Variants in EPHA10 observed in about 807,000 individuals in gnomAD.
EPHA10 encodes the protein ephrin type-A receptor 10.
In EPHA10, 120 loss-of-function variants were observed where a neutral mutation model predicts 109.7. That is an observed-to-expected ratio of 1.09 (90% CI 0.94 to 1.27). The LOEUF is 1.27. Among genes scored for constraint, EPHA10 ranks in the 50% most tolerant of loss-of-function variants. The pLI, the probability that EPHA10 is intolerant of heterozygous loss-of-function variation, is 0.00. For synonymous variants in EPHA10, 640 were observed against 618.9 expected (o/e 1.03, Z -0.51); for missense variants, 1,396 against 1,411.1 (o/e 0.99, Z 0.17).
chr1:37,722,921 C>T (rs777127572), intron 10 of EPHA10, 120 bp downstream of exon 10: 16 of 1,490,596 alleles, frequency 1.1e-5, no homozygotes, highest in South Asian at 3.4e-5. Context: ...CTTCCAGACA[C>T]GAGCAGAGAC....
At chr1:37,731,869 G>A (rs995632919) in intron 6 of EPHA10, among the ~76,000 whole-genome samples, 9 of 152,308 alleles carry the variant, frequency 5.9e-5, no homozygotes, top group Non-Finnish European at 1.2e-4. Flanking sequence ...TCCTCCTTCC[G>A]GGGGATGATA....
In EPHA10 at chr1:37,719,524, G is replaced by T; in HGVS notation, c.2646C>A (p.Cys882Ter). The T allele has an allele frequency of 6.2e-7, 1 of 1,614,062 alleles. No homozygotes were observed. Among genetic ancestry groups the T allele is most frequent in the Non-Finnish European group, 8.5e-7 (1 of 1,180,032 alleles). ...PNLLHRLMLD[C>*]WQKDPGERPR... ...GCCGCTCACCTGGGTCCTTCTGCCA[G>T]CAGTCGAGCATTAGTCGGTGCAGAA... is the stretch of plus-strand genomic sequence containing the variant. Residue 882 changes from cysteine (C) to a stop codon, truncating the protein, a stop_gained, in exon 15 of 17, where the codon TGC becomes TGA. Coordinates refer to ENST00000373048, the MANE Select transcript of EPHA10 (RefSeq NM_001099439.2). LOFTEE classifies it high-confidence loss of function.
At chr1:37,742,503 G>A (rs1300149723) in intron 5 of EPHA10, among the ~76,000 whole-genome samples, 2 of 152,194 alleles carry the variant, frequency 1.3e-5, no homozygotes, top group African/African-American at 2.4e-5. Context: ...TTCTGCCTCT[G>A]AATGGTAAGG....
At chr1:37,721,162 G>A (rs1414656979) in intron 11 of EPHA10, among the ~76,000 whole-genome samples, 1 of 151,520 alleles carries the variant, frequency 6.6e-6, no homozygotes, top group East Asian at 1.9e-4. Flanking sequence ...GTTCACGCCT[G>A]TAATCCCAGC....
intron 3 of EPHA10, among the ~76,000 whole-genome samples, chr1:37,757,292 C>G (rs760447204): frequency 5.3e-5 from 8 of 152,198 alleles, no homozygotes; most frequent in Non-Finnish European, 7.3e-5. Flanking sequence ...TATTCCCCCA[C>G]TTATCCATCT....
At position 37,761,794 on chromosome 1, in the gene EPHA10, G is replaced by A. The variant is rs370728811; in HGVS notation, c.461C>T (p.Thr154Met). The change falls in exon 3 of 17, where the codon ACG (threonine) becomes ATG (methionine). Residue 154 changes from threonine to methionine, a missense_variant. By Grantham distance (81) the Thr-to-Met change is moderately conservative. Coordinates refer to ENST00000373048, the MANE Select transcript of EPHA10 (RefSeq NM_001099439.2). Reference sequence around the variant, plus strand: ...CGTGAAGCTCTCGTCCGCCGCGATCGTGTCGATTTTGCGGGGCCGGCTGCC... The same window carrying A: ...CGTGAAGCTCTCGTCCGCCGCGATCATGTCGATTTTGCGGGGCCGGCTGCC... ...LGGSRPRKID[T>M]IAADESFTQG... is the part of the protein sequence containing the mutation. 1.9e-6 allele frequency: 3 copies of A among 1,613,692 alleles called. No individual in the cohort carries two copies. The highest frequency in any genetic ancestry group is 2.5e-6 in the Non-Finnish European group (3 of 1,179,770).
chr1:37,749,658 G>T (rs1235673471), intron 5 of EPHA10, among the ~76,000 whole-genome samples: 1 of 150,044 alleles, frequency 6.7e-6, no homozygotes. Flanking sequence ...GGGTGATAGA[G>T]CAAGACTCCG....
intron 3 of EPHA10, among the ~76,000 whole-genome samples, chr1:37,759,079 CCTT>C (rs1646412168): frequency 1.3e-5 from 2 of 152,212 alleles, no homozygotes; most frequent in Non-Finnish European, 2.9e-5. Context: ...GCACCATCTT[CCTT>C]CTTCATCTTC....
At chr1:37,761,306 C>G (rs996025442) in intron 3 of EPHA10, 99 bp downstream of exon 3, 1 of 1,547,958 alleles carries the variant, frequency 6.5e-7, no homozygotes, top group Admixed American at 1.8e-5. Flanking sequence ...TCCACCGCCC[C>G]CCGACCCCAC....
intron 3 of EPHA10, among the ~76,000 whole-genome samples, chr1:37,755,640 G>A (rs1646387514): frequency 6.6e-6 from 1 of 152,168 alleles, no homozygotes; most frequent in Non-Finnish European, 1.5e-5. Flanking sequence ...TGAGCCTTGT[G>A]TTGAATACCT....
chr1:37,738,146 C>T (rs1478065513), intron 5 of EPHA10: 1 of 151,874 alleles, frequency 6.6e-6, no homozygotes, highest in African/African-American at 2.4e-5. Flanking sequence ...GGGGGCAGAT[C>T]ACCTGAAGTC....
At chr1:37,732,513 G>A (rs779802816) in intron 6 of EPHA10, among the ~76,000 whole-genome samples, 6 of 152,134 alleles carry the variant, frequency 3.9e-5, no homozygotes, top group East Asian at 1.9e-4. Flanking sequence ...GAACTGGGAC[G>A]GACTTTGACC....
At chr1:37,727,061 T>C (rs1189500603) in intron 8 of EPHA10, 41 bp downstream of exon 8, 6 of 1,532,660 alleles carry the variant, frequency 3.9e-6, no homozygotes, top group Non-Finnish European at 1.8e-6. Context: ...GCACGGGACA[T>C]GACCCACCAG....
At chr1:37,727,660 T>C (rs1386675317) in intron 7 of EPHA10, among the ~76,000 whole-genome samples, 1 of 152,216 alleles carries the variant, frequency 6.6e-6, no homozygotes, top group African/African-American at 2.4e-5. Context: ...CACTATACTG[T>C]CTTGTTTCAT....
rs757480976 is a variant in EPHA10, at chr1:37,718,343, G to C, written c.*29C>G. ...GGGCTGGGGGACTGGACCCCCACCG[G>C]AGTCCTGCCTTGGAAGAATGGGGTC... On this transcript the variant is annotated 3_prime_UTR_variant, in exon 17 of 17. Coordinates refer to ENST00000373048, the MANE Select transcript of EPHA10 (RefSeq NM_001099439.2). 6.4e-7 allele frequency: 1 copy of C among 1,555,092 alleles called. No individual in the cohort carries two copies. Among genetic ancestry groups the C allele is most frequent in the East Asian group, 2.2e-5 (1 of 44,468 alleles).
chr1:37,755,414 T>C (rs1319329162), intron 3 of EPHA10, among the ~76,000 whole-genome samples: 1 of 152,022 alleles, frequency 6.6e-6, no homozygotes, highest in African/African-American at 2.4e-5. Context: ...GCCAGCCAGG[T>C]GGAGGGGGGT....
chr1:37,718,635 C>A, intron 16 of EPHA10, 26 bp downstream of exon 16: 1 of 1,613,132 alleles, frequency 6.2e-7, no homozygotes, highest in Non-Finnish European at 8.5e-7. Flanking sequence ...CCAGCCCCGG[C>A]CTTGACCTTG....
At position 37,720,564 on chromosome 1, in the gene EPHA10, G is replaced by A. The variant is rs757517453; in HGVS notation, c.2209-10C>T. The A allele has an allele frequency of 6.2e-7, 1 of 1,605,358 alleles. No homozygotes were observed. The highest frequency in any genetic ancestry group is 8.5e-7 in the Non-Finnish European group (1 of 1,176,118). ...GCTGCCCCTCGTGCCGCTGTGGAGGGAGAAGACTGAGGCCAGGGCTGTGCG... is the reference window on the plus strand; with the variant it reads ...GCTGCCCCTCGTGCCGCTGTGGAGGAAGAAGACTGAGGCCAGGGCTGTGCG... On this transcript the variant is annotated splice_polypyrimidine_tract_variant and intron_variant, in intron 12 of 16. Transcript: ENST00000373048.
In EPHA10 at chr1:37,718,776, G is replaced by T; in HGVS notation, c.2797C>A (p.Pro933Thr). The change falls in exon 16 of 17, where the codon CCC becomes ACC. Residue 933 changes from proline (P) to threonine (T), a missense_variant. By Grantham distance (38) the Pro-to-Thr change is conservative. Transcript: ENST00000373048. ...CACGCGCCCACAGAGCCAAAGGAGGGGAAGGTGGAGAAGGCACGGTCCGCT... is the reference window on the plus strand; with the variant it reads ...CACGCGCCCACAGAGCCAAAGGAGGTGAAGGTGGAGAAGGCACGGTCCGCT... Reference protein sequence around the residue: ...PLADRAFSTFPSFGSVGAWLE... With the variant: ...PLADRAFSTFTSFGSVGAWLE... The T allele has an allele frequency of 6.2e-7, 1 of 1,613,076 alleles. No homozygotes were observed. The highest frequency in any genetic ancestry group is 8.5e-7 in the Non-Finnish European group (1 of 1,179,984).
Sources: gnomAD v4.1 joint callset for allele counts (sites outside exome capture counted in the v4.1 genomes callset) on GRCh38, gnomAD v4.1.1 for gene constraint, MANE v1.5 for transcripts, NCBI Gene and HGNC (gene_info 2026-07-23, HGNC 2026-07-21) for gene names.